Variants in LRRC40 observed in about 807,000 individuals in gnomAD.
LRRC40 encodes the protein leucine-rich repeat-containing protein 40.
Under a neutral mutation model 72.8 loss-of-function variants are expected in LRRC40, and 76 were observed. The observed-to-expected ratio is 1.04, with a 90% CI of 0.87 to 1.26. The LOEUF (loss-of-function observed/expected upper bound fraction) is 1.26, where lower values mean the gene tolerates loss of function less well. Among genes scored for constraint, LRRC40 ranks in the 50% most tolerant of loss-of-function variants. The probability of loss-of-function intolerance (pLI) is 0.00; values close to 1 mark genes in which losing one functional copy is unlikely to be tolerated. For missense variants in LRRC40, 684 were observed against 698.9 expected, an observed-to-expected ratio of 0.98 and a Z score of 0.24; for synonymous variants, 243 against 254.2, an observed-to-expected ratio of 0.96 and a Z score of 0.42.
chr1:70,150,983 C>A, intron 13 of LRRC40, 145 bp downstream of exon 13: 2 of 517,344 alleles, frequency 3.9e-6, no homozygotes, highest in South Asian at 3.0e-5. Context: ...ATATTTTTAA[C>A]TCTAAGAAGA....
At chr1:70,166,708 T>A (rs1304978579) in intron 9 of LRRC40, among the ~76,000 whole-genome samples, 3 of 151,870 alleles carry the variant, frequency 2.0e-5, no homozygotes, top group Non-Finnish European at 4.4e-5. Context: ...TTAAGTAAAT[T>A]ACTCTCTCAG....
intron 1 of LRRC40, among the ~76,000 whole-genome samples, chr1:70,200,367 G>T (rs1483777176): frequency 3.3e-5 from 5 of 152,074 alleles, no homozygotes; most frequent in African/African-American, 1.2e-4. Context: ...TCAGGAGGCT[G>T]AGGCAGGAGA....
At chr1:70,164,372 G>A (rs1015252993) in intron 9 of LRRC40, among the ~76,000 whole-genome samples, 2 of 151,970 alleles carry the variant, frequency 1.3e-5, no homozygotes, top group East Asian at 1.9e-4. Flanking sequence ...CCTGGGCAAC[G>A]AGAGCGAAAC....
intron 9 of LRRC40, among the ~76,000 whole-genome samples, chr1:70,172,263 C>T (rs368944717): frequency 2.6e-5 from 4 of 152,136 alleles, no homozygotes; most frequent in East Asian, 3.8e-4. Context: ...CAATAAATTT[C>T]TGTTATTTAT....
chr1:70,168,309 T>C lies in LRRC40; in HGVS notation c.1111+5156A>G, dbSNP rs553379006. 2.6e-5 allele frequency among the ~76,000 whole-genome samples: 4 copies of C among 152,278 alleles called. No individual in the cohort carries two copies. The South Asian group carries it at 8.3e-4, about 32-fold the overall frequency. The stretch of plus-strand genomic sequence containing the variant: ...TGGCATGATGAGAATACTGGGGCCC[T>C]GACTGCTCTTCCCCTGGCTCATAAG... On this transcript the variant is annotated intron_variant, in intron 9 of 14. Transcript: ENST00000370952.
intron 9 of LRRC40, among the ~76,000 whole-genome samples, chr1:70,161,305 C>T (rs1292548610): frequency 1.3e-5 from 2 of 151,978 alleles, no homozygotes; most frequent in Middle Eastern, 3.4e-3. Context: ...AGGATGATCT[C>T]GATCTCCTGA....
chr1:70,157,563 C>G (rs2100245618), intron 10 of LRRC40, among the ~76,000 whole-genome samples: 1 of 152,132 alleles, frequency 6.6e-6, no homozygotes, highest in Non-Finnish European at 1.5e-5. Flanking sequence ...TTAAAAGCAA[C>G]AGCATATGTA....
At chr1:70,190,001 CTG>C (rs1458507152) in intron 1 of LRRC40, among the ~76,000 whole-genome samples, 12 of 152,178 alleles carry the variant, frequency 7.9e-5, no homozygotes, top group Non-Finnish European at 1.2e-4. Flanking sequence ...CCATACAACA[CTG>C]TGTTATGCTA....
chr1:70,145,946 T>C (rs756019341), intron 14 of LRRC40, 41 bp from the exon 15 acceptor site: 16 of 973,160 alleles, frequency 1.6e-5, no homozygotes, highest in Non-Finnish European at 2.5e-5. Context: ...ACATTTTCCA[T>C]TAACAAGGTT....
At chr1:70,200,474 A>G (rs1363558761) in intron 1 of LRRC40, among the ~76,000 whole-genome samples, 4 of 152,196 alleles carry the variant, frequency 2.6e-5, no homozygotes, top group Non-Finnish European at 5.9e-5. Context: ...AAAAAAAAGA[A>G]GGAACAGAAA....
intron 5 of LRRC40, among the ~76,000 whole-genome samples, chr1:70,179,353 G>T (rs527804728): frequency 6.6e-6 from 1 of 152,160 alleles, no homozygotes; most frequent in African/African-American, 2.4e-5. Flanking sequence ...TGGGCATGGT[G>T]GTGCATGCCT....
intron 3 of LRRC40, 35 bp downstream of exon 3, chr1:70,187,230 G>T: frequency 1.0e-6 from 1 of 970,618 alleles, no homozygotes; most frequent in Non-Finnish European, 1.6e-6. Flanking sequence ...ACCATTATAA[G>T]GGCAATAATA....
chr1:70,204,576 G>C (rs1223974812), intron 1 of LRRC40, among the ~76,000 whole-genome samples: 2 of 152,102 alleles, frequency 1.3e-5, no homozygotes, highest in Non-Finnish European at 2.9e-5. Context: ...GCATTTGCTT[G>C]CCTAATCTAC....
At chr1:70,196,487 T>C (rs530076108) in intron 1 of LRRC40, among the ~76,000 whole-genome samples, 141 of 152,208 alleles carry the variant, frequency 9.3e-4, no homozygotes, top group Admixed American at 2.2e-3. Context: ...AAGTTTGAAG[T>C]TGCAGTGAGC....
intron 3 of LRRC40, 33 bp downstream of exon 3, chr1:70,187,232 G>T: frequency 1.0e-6 from 1 of 985,816 alleles, no homozygotes; most frequent in Admixed American, 1.9e-5. Context: ...CATTATAAGG[G>T]CAATAATATA....
At position 70,190,663 on chromosome 1, in the gene LRRC40, T is replaced by G. The variant is rs144756742; in HGVS notation, c.152-1390A>C. Among the ~76,000 whole-genome samples the G allele has an allele frequency of 4.5e-3, 337 of 74,194 alleles. 2 individuals carry two copies. Among genetic ancestry groups the G allele is most frequent in the Non-Finnish European group, 6.6e-3 (299 of 45,290 alleles). 48.7% of individuals were successfully genotyped at this position (74,194 alleles called of 152,430 possible). ...TAGAACTCCAGCCTGGGAAACAGAG[T>G]GAGACCCTGTCTCTAAAAAAAAAAA... On this transcript the variant is annotated intron_variant, in intron 1 of 14. Transcript: ENST00000370952.
chr1:70,199,714 T>C (rs769049839), intron 1 of LRRC40, among the ~76,000 whole-genome samples: 2 of 152,204 alleles, frequency 1.3e-5, no homozygotes, highest in South Asian at 2.1e-4. Context: ...TACAAATATA[T>C]GTTAATTGAC....
At chr1:70,165,500 G>T (rs1667862142) in intron 9 of LRRC40, among the ~76,000 whole-genome samples, 1 of 152,120 alleles carries the variant, frequency 6.6e-6, no homozygotes, top group Non-Finnish European at 1.5e-5. Flanking sequence ...CTTCTGGATT[G>T]TTCAGTTTCT....
intron 9 of LRRC40, among the ~76,000 whole-genome samples, chr1:70,166,130 A>T (rs1667875734): frequency 6.6e-6 from 1 of 152,206 alleles, no homozygotes; most frequent in Admixed American, 6.5e-5. Context: ...TGCTTTGAAT[A>T]ATTCAACCTA....
Sources: gnomAD v4.1 joint callset for allele counts (sites outside exome capture counted in the v4.1 genomes callset) on GRCh38, gnomAD v4.1.1 for gene constraint, MANE v1.5 for transcripts, NCBI Gene and HGNC (gene_info 2026-07-23, HGNC 2026-07-21) for gene names.